Variants in DPP10 observed in about 807,000 individuals in gnomAD.
DPP10 encodes the protein inactive dipeptidyl peptidase 10.
In DPP10, 33 loss-of-function variants were observed where a neutral mutation model predicts 120.9. The ratio of observed to expected loss-of-function variants is 0.27; its 90% CI spans 0.21 to 0.37. The LOEUF (loss-of-function observed/expected upper bound fraction) is 0.37. DPP10 is among the 10% of genes least tolerant of loss of function. The pLI is 1.00. For missense variants in DPP10, 816 were observed against 942.8 expected, an observed-to-expected ratio of 0.87 and a Z score of 1.76; for synonymous variants, 337 against 326.1, an observed-to-expected ratio of 1.03 and a Z score of -0.36.
At chr2:114,864,764 A>T (rs964345859) in intron 1 of DPP10, among the ~76,000 whole-genome samples, 2 of 152,186 alleles carry the variant, frequency 1.3e-5, no homozygotes, top group African/African-American at 4.8e-5. Context: ...AGTGGACCTA[A>T]CCACTAGGTG....
chr2:114,833,898 T>C (rs1349875677), intron 1 of DPP10: 1 of 152,100 alleles, frequency 6.6e-6, no homozygotes. Flanking sequence ...AGAATTTGGA[T>C]GACACATGGT....
At chr2:114,477,094 G>A (rs1219547088) in intron 1 of DPP10, among the ~76,000 whole-genome samples, 4 of 151,886 alleles carry the variant, frequency 2.6e-5, no homozygotes, top group Non-Finnish European at 4.4e-5. Context: ...CAAGTAGCTG[G>A]GATTATAGGT....
chr2:115,700,349 C>T (rs6542291), intron 7 of DPP10, among the ~76,000 whole-genome samples: 1 of 152,008 alleles, frequency 6.6e-6, no homozygotes, highest in Non-Finnish European at 1.5e-5. Context: ...CATCTCAACT[C>T]ATACAGAATA....
intron 1 of DPP10, among the ~76,000 whole-genome samples, chr2:114,459,806 A>G (rs1254783626): frequency 6.6e-6 from 1 of 152,140 alleles, no homozygotes; most frequent in Non-Finnish European, 1.5e-5. Flanking sequence ...ATTTTAATGT[A>G]GCTATGTTTT....
chr2:115,151,770 T>C (rs1412289203), intron 1 of DPP10, among the ~76,000 whole-genome samples: 1 of 151,552 alleles, frequency 6.6e-6, no homozygotes, highest in African/African-American at 2.4e-5. Context: ...GAAACTCCTA[T>C]AACATTCATG....
chr2:115,105,743 C>T (rs1206046969), intron 1 of DPP10, among the ~76,000 whole-genome samples: 3 of 152,056 alleles, frequency 2.0e-5, no homozygotes, highest in Non-Finnish European at 4.4e-5. Flanking sequence ...AATATAAATC[C>T]TAGGCAAATA....
intron 1 of DPP10, among the ~76,000 whole-genome samples, chr2:114,973,756 C>T (rs1699560333): frequency 6.7e-6 from 1 of 149,744 alleles, no homozygotes; most frequent in Non-Finnish European, 1.5e-5. Context: ...TAGGAGATGA[C>T]AGCTCCATGC....
chr2:114,601,624 T>G (rs1200662794), intron 1 of DPP10, among the ~76,000 whole-genome samples: 1 of 151,986 alleles, frequency 6.6e-6, no homozygotes, highest in Admixed American at 6.6e-5. Context: ...ATAAGTATGC[T>G]GCAGGGCTGA....
chr2:115,104,170 C>CTTTTTTT (rs35125894), intron 1 of DPP10, among the ~76,000 whole-genome samples: 90 of 84,660 alleles, frequency 1.1e-3, no homozygotes, highest in Non-Finnish European at 1.4e-3. Context: ...ATACATATGT[C>CTTTTTTT]TTTTTTTTTT....
chr2:115,789,352 A>G (rs932368244), intron 17 of DPP10, among the ~76,000 whole-genome samples: 2 of 152,244 alleles, frequency 1.3e-5, no homozygotes, highest in African/African-American at 4.8e-5. Context: ...CAAACAATGT[A>G]ATTCACCGTA....
At chr2:114,579,210 C>G (rs182547262) in intron 1 of DPP10, among the ~76,000 whole-genome samples, 18 of 152,292 alleles carry the variant, frequency 1.2e-4, no homozygotes, top group Admixed American at 4.6e-4. Context: ...CAGTACTTTG[C>G]AATTTTGAGG....
chr2:114,960,593 G>C (rs1196590465), intron 1 of DPP10, among the ~76,000 whole-genome samples: 2 of 151,986 alleles, frequency 1.3e-5, no homozygotes, highest in East Asian at 3.9e-4. Context: ...GCTTACTCAG[G>C]TAAAACCTCA....
intron 1 of DPP10, among the ~76,000 whole-genome samples, chr2:114,974,856 G>GT (rs1371190350): frequency 6.6e-6 from 1 of 151,946 alleles, no homozygotes; most frequent in Admixed American, 6.6e-5. Context: ...ATGCATAACT[G>GT]TAAAATGATA....
chr2:115,435,127 A>C (rs1396151715), intron 3 of DPP10, among the ~76,000 whole-genome samples: 1 of 151,580 alleles, frequency 6.6e-6, no homozygotes, highest in Non-Finnish European at 1.5e-5. Context: ...GCTATTGTGT[A>C]TAGTGCTGTA....
intron 16 of DPP10, among the ~76,000 whole-genome samples, chr2:115,781,821 A>G (rs1050835281): frequency 4.6e-5 from 7 of 152,086 alleles, no homozygotes; most frequent in Admixed American, 4.6e-4. Context: ...ATAACTTTTT[A>G]CAGTAACAAA....
At chr2:114,974,551 G>A (rs921750830) in intron 1 of DPP10, among the ~76,000 whole-genome samples, 16 of 151,796 alleles carry the variant, frequency 1.1e-4, no homozygotes, top group African/African-American at 3.9e-4. Flanking sequence ...CCGAGTAGCT[G>A]GGATTAGCCA....
chr2:114,815,823 G>T (rs147971612), intron 1 of DPP10, among the ~76,000 whole-genome samples: 1 of 151,866 alleles, frequency 6.6e-6, no homozygotes, highest in African/African-American at 2.4e-5. Flanking sequence ...GGTTTGAGCA[G>T]GTCCCAGTTC....
At chr2:114,570,479 A>G (rs1022988859) in intron 1 of DPP10, among the ~76,000 whole-genome samples, 1 of 152,092 alleles carries the variant, frequency 6.6e-6, no homozygotes, top group African/African-American at 2.4e-5. Flanking sequence ...AGCTTTGGCA[A>G]TGTGTCCACA....
At chr2:115,387,092 A>G (rs2066995914) in intron 3 of DPP10, among the ~76,000 whole-genome samples, 2 of 152,052 alleles carry the variant, frequency 1.3e-5, no homozygotes, top group African/African-American at 4.8e-5. Context: ...AGATCTCTGC[A>G]GGTCCTGGGT....
Sources: allele counts gnomAD v4.1 joint callset (sites outside exome capture counted in the v4.1 genomes callset), GRCh38; gene constraint gnomAD v4.1.1; transcripts MANE v1.5; gene names NCBI Gene and HGNC (gene_info 2026-07-23, HGNC 2026-07-21).